CDH18: variants seen among roughly 807,000 people sequenced by gnomAD.
CDH18 encodes the protein cadherin 18.
Under a neutral mutation model 67.9 loss-of-function variants are expected in CDH18, and 31 were observed. The observed-to-expected ratio is 0.46, with a 90% CI of 0.34 to 0.62. CDH18 has a LOEUF of 0.62. Ranked by LOEUF, CDH18 falls within the 20% of genes least tolerant of loss-of-function variation. The probability of loss-of-function intolerance (pLI) is 0.01; values close to 1 mark genes in which losing one functional copy is unlikely to be tolerated. For synonymous variants in CDH18, 362 were observed against 347.2 expected (o/e 1.04, Z -0.48); for missense variants, 890 against 975.5 (o/e 0.91, Z 1.17).
intron 8 of CDH18, among the ~76,000 whole-genome samples, chr5:19,555,148 A>G (rs1738158376): frequency 6.6e-6 from 1 of 152,214 alleles, no homozygotes; most frequent in East Asian, 1.9e-4. Flanking sequence ...AAAATGGCGG[A>G]GAGGAGGCAG....
intron 2 of CDH18, among the ~76,000 whole-genome samples, chr5:19,922,233 G>A (rs1300479129): frequency 6.6e-6 from 1 of 152,090 alleles, no homozygotes; most frequent in African/African-American, 2.4e-5. Flanking sequence ...TTTAATAGAA[G>A]GGTTTAAACT....
intron 2 of CDH18, among the ~76,000 whole-genome samples, chr5:20,086,092 A>C (rs1744925312): frequency 6.6e-6 from 1 of 152,224 alleles, no homozygotes; most frequent in African/African-American, 2.4e-5. Flanking sequence ...GCGCTACTCC[A>C]TTGAACACAT....
chr5:19,571,977 G>T, intron 7 of CDH18, 145 bp from the exon 8 acceptor site: 1 of 661,010 alleles, frequency 1.5e-6, no homozygotes, highest in Non-Finnish European at 2.5e-6. Context: ...GTTCTAAAAC[G>T]AACTATGAAG....
At chr5:20,533,513 A>G (rs1756538737) in intron 1 of CDH18, among the ~76,000 whole-genome samples, 1 of 152,156 alleles carries the variant, frequency 6.6e-6, no homozygotes, top group African/African-American at 2.4e-5. Flanking sequence ...AAATAAATAC[A>G]TAGAACAAAA....
intron 1 of CDH18, among the ~76,000 whole-genome samples, chr5:20,291,081 A>G (rs1218052206): frequency 1.3e-5 from 2 of 152,184 alleles, no homozygotes; most frequent in Admixed American, 6.5e-5. Context: ...GCTTCCAGAG[A>G]TATTTATTCA....
intron 2 of CDH18, among the ~76,000 whole-genome samples, chr5:20,146,134 C>G (rs1280093087): frequency 6.6e-6 from 1 of 152,080 alleles, no homozygotes; most frequent in African/African-American, 2.4e-5. Context: ...ATGGCCGGCT[C>G]TTTTTCATGG....
At chr5:20,157,191 G>GT (rs1561837090) in intron 2 of CDH18, among the ~76,000 whole-genome samples, 5 of 152,216 alleles carry the variant, frequency 3.3e-5, no homozygotes, top group African/African-American at 7.2e-5. Context: ...TATTTCTAGA[G>GT]TTTTTTATTT....
At chr5:19,736,766 C>T (rs75024412) in intron 4 of CDH18, among the ~76,000 whole-genome samples, 135 of 152,122 alleles carry the variant, frequency 8.9e-4, no homozygotes, top group Non-Finnish European at 1.6e-3. Context: ...TATGAAAGGT[C>T]GCAACTTCCA....
chr5:19,822,645 G>C (rs1421755613), intron 3 of CDH18, among the ~76,000 whole-genome samples: 1 of 152,174 alleles, frequency 6.6e-6, no homozygotes, highest in Non-Finnish European at 1.5e-5. Flanking sequence ...TGTACGAATA[G>C]GGTGTGGGTC....
intron 4 of CDH18, among the ~76,000 whole-genome samples, chr5:19,740,467 T>C (rs1054372221): frequency 5.3e-5 from 8 of 152,202 alleles, no homozygotes; most frequent in Admixed American, 2.6e-4. Context: ...AAGACTGTAA[T>C]TGCAGAAATT....
chr5:19,616,962 T>A (rs561313525), intron 5 of CDH18, among the ~76,000 whole-genome samples: 1 of 152,264 alleles, frequency 6.6e-6, no homozygotes, highest in East Asian at 1.9e-4. Flanking sequence ...ATTTTCATCA[T>A]GAAATGACCT....
intron 1 of CDH18, among the ~76,000 whole-genome samples, chr5:20,323,098 C>T (rs933582091): frequency 4.6e-5 from 7 of 151,992 alleles, no homozygotes; most frequent in Middle Eastern, 3.2e-3. Flanking sequence ...ATAATTCACA[C>T]GGTGAATGAA....
intron 10 of CDH18, among the ~76,000 whole-genome samples, chr5:19,514,072 C>A (rs540417539): frequency 6.6e-6 from 1 of 152,262 alleles, no homozygotes; most frequent in Admixed American, 6.5e-5. Flanking sequence ...GTCCAATTCC[C>A]ACCTATGAGT....
At chr5:19,859,908 T>G (rs994094902) in intron 2 of CDH18, among the ~76,000 whole-genome samples, 1 of 152,072 alleles carries the variant, frequency 6.6e-6, no homozygotes, top group African/African-American at 2.4e-5. Flanking sequence ...CTTTACAGTG[T>G]TTGACTCTTT....
intron 2 of CDH18, among the ~76,000 whole-genome samples, chr5:20,115,939 C>A (rs148065107): frequency 2.0e-5 from 3 of 152,078 alleles, no homozygotes; most frequent in Non-Finnish European, 4.4e-5. Flanking sequence ...TTCAATTCTC[C>A]CCATCCTCTC....
At chr5:20,035,419 G>A (rs769224380) in intron 2 of CDH18, among the ~76,000 whole-genome samples, 5 of 152,004 alleles carry the variant, frequency 3.3e-5, no homozygotes, top group Non-Finnish European at 5.9e-5. Context: ...GCTTGAGATT[G>A]GGCAATTTAG....
intron 5 of CDH18, among the ~76,000 whole-genome samples, chr5:19,636,673 C>A (rs1318622892): frequency 1.3e-5 from 2 of 151,466 alleles, no homozygotes; most frequent in African/African-American, 2.4e-5. Flanking sequence ...TTTTTGATAT[C>A]ACTATGGTCA....
At chr5:20,406,333 A>G (rs1341948984) in intron 1 of CDH18, among the ~76,000 whole-genome samples, 3 of 152,138 alleles carry the variant, frequency 2.0e-5, no homozygotes, top group African/African-American at 7.2e-5. Flanking sequence ...TATCGCAAAG[A>G]CAAAAAACCA....
intron 2 of CDH18, among the ~76,000 whole-genome samples, chr5:20,081,106 A>T (rs532509663): frequency 6.6e-6 from 1 of 152,174 alleles, no homozygotes; most frequent in Non-Finnish European, 1.5e-5. Context: ...AAGAGATTAA[A>T]TATGTTTTCT....
Sources: allele counts gnomAD v4.1 joint callset (sites outside exome capture counted in the v4.1 genomes callset), GRCh38; gene constraint gnomAD v4.1.1; transcripts MANE v1.5; gene names NCBI Gene and HGNC (gene_info 2026-07-23, HGNC 2026-07-21).